KCNK13: variants seen among roughly 807,000 people sequenced by gnomAD.
The protein encoded by KCNK13 is potassium channel subfamily K member 13.
Under a neutral mutation model 23.4 loss-of-function variants are expected in KCNK13, and 12 were observed. The ratio of observed to expected loss-of-function variants is 0.51; its 90% CI spans 0.33 to 0.83. KCNK13 has a LOEUF of 0.83. Ranked by LOEUF, KCNK13 falls within the 40% of genes least tolerant of loss-of-function variation. The probability of loss-of-function intolerance (pLI) is 0.02; values close to 1 mark genes in which losing one functional copy is unlikely to be tolerated. For synonymous variants in KCNK13, 231 were observed against 229.5 expected, an observed-to-expected ratio of 1.01 and a Z score of -0.06; for missense variants, 463 against 556.3, an observed-to-expected ratio of 0.83 and a Z score of 1.69.
chr14:90,173,200 A>G (rs1343022242), intron 1 of KCNK13, among the ~76,000 whole-genome samples: 1 of 152,196 alleles, frequency 6.6e-6, no homozygotes, highest in Non-Finnish European at 1.5e-5. Context: ...CAGCGAGAAT[A>G]TGAAGAATAT....
At chr14:90,130,039 A>T (rs3861657) in intron 1 of KCNK13, among the ~76,000 whole-genome samples, 16,311 of 152,102 alleles carry the variant, frequency 0.11, 1,169 homozygotes, top group Admixed American at 0.25. Context: ...TGTTCTTTCA[A>T]TGGAATATAA....
intron 1 of KCNK13, among the ~76,000 whole-genome samples, chr14:90,068,888 G>T (rs763364831): frequency 6.6e-6 from 1 of 152,120 alleles, no homozygotes. Flanking sequence ...CTGAGGGCAG[G>T]TTCATTACAC....
intron 1 of KCNK13, among the ~76,000 whole-genome samples, chr14:90,120,811 C>T (rs1889730371): frequency 6.6e-6 from 1 of 152,194 alleles, no homozygotes; most frequent in Non-Finnish European, 1.5e-5. Flanking sequence ...AACAGGCCCT[C>T]AAAGTCTTAA....
chr14:90,100,573 A>G (rs1310210253), intron 1 of KCNK13, among the ~76,000 whole-genome samples: 1 of 152,232 alleles, frequency 6.6e-6, no homozygotes, highest in Non-Finnish European at 1.5e-5. Context: ...CAGTAATTTC[A>G]TCAGATTAGT....
At chr14:90,155,970 G>A (rs1250583201) in intron 1 of KCNK13, among the ~76,000 whole-genome samples, 2 of 152,066 alleles carry the variant, frequency 1.3e-5, no homozygotes, top group Non-Finnish European at 2.9e-5. Flanking sequence ...TTGGGAGGCC[G>A]AGGCAGGCAG....
intron 1 of KCNK13, among the ~76,000 whole-genome samples, chr14:90,141,563 T>G (rs60259123): frequency 0.016 from 2,442 of 152,176 alleles, 52 homozygotes; most frequent in African/African-American, 0.056. Context: ...GTTCAAGCAA[T>G]TCTCCTGCCT....
At chr14:90,081,689 A>G (rs943154293) in intron 1 of KCNK13, among the ~76,000 whole-genome samples, 1 of 152,180 alleles carries the variant, frequency 6.6e-6, no homozygotes, top group Non-Finnish European at 1.5e-5. Context: ...AGGACATTTC[A>G]AGTTCTGAAA....
At chr14:90,069,854 A>C (rs1889053057) in intron 1 of KCNK13, among the ~76,000 whole-genome samples, 1 of 152,240 alleles carries the variant, frequency 6.6e-6, no homozygotes, top group Non-Finnish European at 1.5e-5. Context: ...CCTGAGGTGC[A>C]GACAGCATAG....
chr14:90,134,563 T>G (rs1436794689), intron 1 of KCNK13, among the ~76,000 whole-genome samples: 2 of 152,226 alleles, frequency 1.3e-5, no homozygotes, highest in African/African-American at 4.8e-5. Context: ...AAAGACTGAA[T>G]GGAAACACGT....
At chr14:90,139,813 T>C (rs1889982356) in intron 1 of KCNK13, among the ~76,000 whole-genome samples, 1 of 152,076 alleles carries the variant, frequency 6.6e-6, no homozygotes, top group East Asian at 1.9e-4. Context: ...AATACAAAAA[T>C]TAGCCGGGCG....
chr14:90,107,284 C>G (rs901011205), intron 1 of KCNK13, among the ~76,000 whole-genome samples: 2 of 152,110 alleles, frequency 1.3e-5, no homozygotes, highest in Non-Finnish European at 2.9e-5. Context: ...TTGAGACCAT[C>G]CTGGCTAACA....
At chr14:90,157,372 C>T (rs939277134) in intron 1 of KCNK13, among the ~76,000 whole-genome samples, 6 of 151,780 alleles carry the variant, frequency 4.0e-5, no homozygotes, top group East Asian at 1.9e-4. Flanking sequence ...GTTGTAACCA[C>T]GAAAAAAAAG....
intron 1 of KCNK13, among the ~76,000 whole-genome samples, chr14:90,157,687 C>T (rs1275473436): frequency 5.9e-5 from 8 of 136,488 alleles, no homozygotes. Flanking sequence ...GGCCACCATA[C>T]CTGGCTTGGC....
intron 1 of KCNK13, among the ~76,000 whole-genome samples, chr14:90,066,491 T>A (rs1257577375): frequency 6.6e-6 from 1 of 152,086 alleles, no homozygotes; most frequent in African/African-American, 2.4e-5. Flanking sequence ...GGTCTTGAAA[T>A]CCTGGTCTCA....
Position 90,184,974 on chromosome 14 carries a change from A to T in KCNK13, c.1198A>T (p.Arg400Trp), listed in dbSNP as rs1179659180. The change falls in exon 2 of 2, where the codon AGG (arginine) becomes TGG (tryptophan). Residue 400 changes from arginine (R) to tryptophan (W), a missense_variant. Coordinates refer to ENST00000282146, the MANE Select transcript of KCNK13 (RefSeq NM_022054.4). This position sits in a 1 kb window ranked among gnomAD's most constrained non-coding sequence, Gnocchi z 5.6. Reference protein sequence around the residue: ...GVGAFAIMNNRLAETSGDR With the variant: ...GVGAFAIMNNWLAETSGDR ...GGGAGCCTTTGCAATCATGAACAACAGGTTGGCAGAGACCAGTGGGGACAG... is the reference window on the plus strand; with the variant it reads ...GGGAGCCTTTGCAATCATGAACAACTGGTTGGCAGAGACCAGTGGGGACAG... 12 of 1,602,212 alleles carry T rather than the reference A, an allele frequency of 7.5e-6. No homozygotes were observed. Among genetic ancestry groups the T allele is most frequent in the Non-Finnish European group, 1.0e-5 (12 of 1,173,362 alleles).
intron 1 of KCNK13, among the ~76,000 whole-genome samples, chr14:90,127,453 C>CTTTT (rs11404565): frequency 9.0e-5 from 12 of 133,036 alleles, no homozygotes; most frequent in Non-Finnish European, 1.3e-4. Flanking sequence ...GCTCACCATA[C>CTTTT]TTTTTTTTTT....
chr14:90,107,567 C>T, intron 1 of KCNK13: 1 of 462,450 alleles, frequency 2.2e-6, no homozygotes, highest in Non-Finnish European at 3.9e-6. Flanking sequence ...TACGATTGTG[C>T]AAAAGTAAAG....
At chr14:90,090,041 C>T (rs1423476404) in intron 1 of KCNK13, among the ~76,000 whole-genome samples, 1 of 152,190 alleles carries the variant, frequency 6.6e-6, no homozygotes, top group Non-Finnish European at 1.5e-5. Flanking sequence ...GGTTGTAGCC[C>T]CAACAAAGAG....
intron 1 of KCNK13, among the ~76,000 whole-genome samples, chr14:90,152,986 A>C (rs1284374362): frequency 8.5e-5 from 13 of 152,048 alleles, no homozygotes; most frequent in East Asian, 1.9e-4. Flanking sequence ...CTGACACTCA[A>C]CTCTGCCCAT....
Sources: gnomAD v4.1 joint callset for allele counts (sites outside exome capture counted in the v4.1 genomes callset) on GRCh38, gnomAD v4.1.1 for gene constraint, Gnocchi (gnomAD v3.1) non-coding constraint, MANE v1.5 for transcripts, NCBI Gene and HGNC (gene_info 2026-07-23, HGNC 2026-07-21) for gene names.